Variants in SPAST observed in about 807,000 individuals in gnomAD.
The protein encoded by SPAST is spastin, also known as spastic paraplegia 4 (autosomal dominant; spastin).
In SPAST, 30 loss-of-function variants were observed where a neutral mutation model predicts 76.6. That is an observed-to-expected ratio of 0.39 (90% CI 0.29 to 0.53). The LOEUF (loss-of-function observed/expected upper bound fraction) is 0.53. Among genes scored for constraint, SPAST ranks in the 20% least tolerant of loss-of-function variants. The pLI is 0.68. For synonymous variants in SPAST, 305 were observed against 281.0 expected (o/e 1.09, Z -0.86); for missense variants, 717 against 770.5 (o/e 0.93, Z 0.82).
At position 32,089,566 on chromosome 2, in the gene SPAST, A is replaced by G; in HGVS notation, c.547A>G (p.Thr183Ala). 1 of 1,606,774 alleles carries G rather than the reference A, an allele frequency of 6.2e-7. No homozygotes were observed. Among genetic ancestry groups the G allele is most frequent in the Middle Eastern group, 1.7e-4 (1 of 6,050 alleles). ...RARRLQAKMM[T>A]NLVMAKDRLQ... ...TAGACGCCTTCAAGCTAAAATGATGACTAATTTGGTTATGGCCAAGGACCG... is the reference window on the plus strand; with the variant it reads ...TAGACGCCTTCAAGCTAAAATGATGGCTAATTTGGTTATGGCCAAGGACCG... Residue 183 changes from threonine (T) to alanine (A), a missense_variant, in exon 3 of 17, where the codon ACT becomes GCT. Around this residue, in one of 3 missense-constraint regions of SPAST, gnomAD observed 543 missense variants for 445.2 expected, o/e 1.22. Transcript: ENST00000315285.
intron 9 of SPAST, 46 bp downstream of exon 9, chr2:32,128,525 A>G (rs776292987): frequency 7.4e-6 from 9 of 1,212,110 alleles, no homozygotes; most frequent in Non-Finnish European, 1.1e-5. Flanking sequence ...GTTACTGTCT[A>G]AATGTTACTG....
chr2:32,089,218 T>TTTTTTTTTTTCC lies in SPAST; in HGVS notation c.503-304_503-303insTTTTTTTTTTCC, dbSNP rs375850129. On this transcript the variant is annotated intron_variant, in intron 2 of 16. Coordinates refer to ENST00000315285, the MANE Select transcript of SPAST (RefSeq NM_014946.4). ...CGGCTAATTTTTTTTTTTTTTTTTT[T>TTTTTTTTTTTCC]AAGTAGAGACCAGATCTCTTTATGT... Among the ~76,000 whole-genome samples, 4 of 129,994 alleles carry TTTTTTTTTTTCC rather than the reference T, an allele frequency of 3.1e-5. No homozygotes were observed. The South Asian group carries it at 8.2e-4, about 27-fold the overall frequency. 85.3% of individuals were successfully genotyped at this position (129,994 alleles called of 152,430 possible).
chr2:32,119,030 A>C (rs1478832379), intron 7 of SPAST, among the ~76,000 whole-genome samples: 1 of 152,182 alleles, frequency 6.6e-6, no homozygotes, highest in Admixed American at 6.5e-5. Context: ...ATAAAGTTGA[A>C]TAACCTGACC....
At chr2:32,073,772 CTG>C (rs1466123118) in intron 1 of SPAST, among the ~76,000 whole-genome samples, 1 of 152,190 alleles carries the variant, frequency 6.6e-6, no homozygotes, top group African/African-American at 2.4e-5. Context: ...TCTTTGAACA[CTG>C]TCACATCTCA....
chr2:32,116,065 G>A (rs2148734405), intron 6 of SPAST, 54 bp from the exon 7 acceptor site: 5 of 1,297,652 alleles, frequency 3.9e-6, no homozygotes, highest in South Asian at 3.5e-5. Flanking sequence ...GCTTCATCTT[G>A]TAATAACTGG....
At chr2:32,076,898 C>T (rs1007455319) in intron 1 of SPAST, among the ~76,000 whole-genome samples, 5 of 151,852 alleles carry the variant, frequency 3.3e-5, no homozygotes, top group African/African-American at 1.2e-4. Flanking sequence ...TTTTCTGAGA[C>T]AGAGTCTCGT....
At chr2:32,072,054 AT>A (rs1397203512) in intron 1 of SPAST, among the ~76,000 whole-genome samples, 1 of 152,058 alleles carries the variant, frequency 6.6e-6, no homozygotes, top group Non-Finnish European at 1.5e-5. Context: ...TTATTTATTT[AT>A]TTTTTGAGAC....
In SPAST at chr2:32,087,355, ATAC is replaced by A; in HGVS notation, c.416-134_416-132del. 3 of 523,646 alleles carry A rather than the reference ATAC, an allele frequency of 5.7e-6. No individual in the cohort carries two copies. In the Admixed American group the frequency reaches 8.8e-5, roughly 15 times the overall value. 32.4% of individuals were successfully genotyped at this position (523,646 alleles called of 1,614,324 possible). On this transcript the variant is annotated intron_variant, in intron 1 of 16. Transcript: ENST00000315285. ...ACATATACACATTACAATGATAAAA[ATAC>A]TAAGAAGTTATATAGTAATGTTTCT...
At chr2:32,074,063 G>C (rs932489404) in intron 1 of SPAST, among the ~76,000 whole-genome samples, 4 of 152,158 alleles carry the variant, frequency 2.6e-5, no homozygotes, top group African/African-American at 9.7e-5. Context: ...AATAACCATG[G>C]TATGTCATAG....
Position 32,116,191 on chromosome 2 carries a change from T to C in SPAST, c.1077T>C (p.Ile359=), listed in dbSNP as rs570106557. The change falls in exon 7 of 17, where the codon ATT becomes ATC. Residue 359 remains isoleucine (I), a synonymous_variant. Transcript: ENST00000315285. ...AACAAGCATTGCAAGAAATTGTTAT[T>C]CTTCCTTCTCTGAGGCCTGAGGTAA... ...LAKQALQEIV[I]LPSLRPELFT... 9.2e-5 allele frequency: 149 copies of C among 1,612,792 alleles called. 3 individuals are homozygous for C. The South Asian group carries it at 1.1e-3, about 11-fold the overall frequency.
chr2:32,087,369 T>C (rs1303392103), intron 1 of SPAST, 123 bp from the exon 2 acceptor site: 1 of 575,436 alleles, frequency 1.7e-6, no homozygotes, highest in Non-Finnish European at 3.2e-6. Flanking sequence ...TAAGAAGTTA[T>C]ATAGTAATGT....
chr2:32,075,624 A>G (rs1676928873), intron 1 of SPAST, among the ~76,000 whole-genome samples: 1 of 129,938 alleles, frequency 7.7e-6, no homozygotes, highest in African/African-American at 3.0e-5. Flanking sequence ...ATCTCAGCTC[A>G]CTGCAGGCTC....
At chr2:32,100,369 T>C (rs1678075562) in intron 4 of SPAST, among the ~76,000 whole-genome samples, 1 of 151,302 alleles carries the variant, frequency 6.6e-6, no homozygotes, top group Non-Finnish European at 1.5e-5. Flanking sequence ...GCTCAAATTA[T>C]ATTTAATATT....
rs185997042 is a variant in SPAST at position 32,079,003 on chromosome 2, A to G, written c.416-8489A>G. ...CAGGTACATGTCACCACGCCCGGCT[A>G]ATTTTTATTTTTATTTTGGTAGAGA... On this transcript the variant is annotated intron_variant, in intron 1 of 16. Coordinates refer to ENST00000315285, the MANE Select transcript of SPAST (RefSeq NM_014946.4). Among the ~76,000 whole-genome samples the G allele has an allele frequency of 3.6e-4, 54 of 152,066 alleles. No homozygotes were observed. In the East Asian group the frequency reaches 8.4e-3, roughly 24 times the overall value.
rs536917528 is a variant in SPAST at position 32,135,425 on chromosome 2, G to A, written c.1246-1138G>A. Among the ~76,000 whole-genome samples the A allele has an allele frequency of 1.4e-4, 21 of 152,140 alleles. No homozygotes were observed. The South Asian group carries it at 3.9e-3, about 29-fold the overall frequency. ...ATTACAGGTCTGAGCCGCCGCGCCC[G>A]GCCTAGAATATTTGTTTCGATTATT... On this transcript the variant is annotated intron_variant, in intron 9 of 16. Coordinates refer to ENST00000315285, the MANE Select transcript of SPAST (RefSeq NM_014946.4).
intron 1 of SPAST, among the ~76,000 whole-genome samples, chr2:32,079,493 G>A (rs1174521015): frequency 6.8e-6 from 1 of 147,154 alleles, no homozygotes; most frequent in Non-Finnish European, 1.5e-5. Flanking sequence ...GTGACAGAGC[G>A]AGACCCAGTC....
intron 12 of SPAST, among the ~76,000 whole-genome samples, chr2:32,141,613 T>G (rs1679721887): frequency 6.6e-6 from 1 of 152,232 alleles, no homozygotes; most frequent in Admixed American, 6.5e-5. Context: ...TTAGTTTTTT[T>G]CAGATTCAAG....
chr2:32,113,704 T>C (rs982795931), intron 4 of SPAST, among the ~76,000 whole-genome samples: 16 of 151,390 alleles, frequency 1.1e-4, no homozygotes, highest in African/African-American at 3.9e-4. Context: ...TAGCTGGGAT[T>C]ATAGGCCCCC....
intron 16 of SPAST, among the ~76,000 whole-genome samples, chr2:32,151,694 G>T (rs1680090270): frequency 6.6e-6 from 1 of 152,178 alleles, no homozygotes; most frequent in African/African-American, 2.4e-5. Flanking sequence ...TGGATCACCT[G>T]AGGTCTTGAG....
Sources: allele counts gnomAD v4.1 joint callset (sites outside exome capture counted in the v4.1 genomes callset), GRCh38; gene constraint gnomAD v4.1.1; regional missense constraint gnomAD v4.1.1; transcripts MANE v1.5; gene names NCBI Gene and HGNC (gene_info 2026-07-23, HGNC 2026-07-21).